Variants in TMEM156 observed in about 807,000 individuals in gnomAD.
TMEM156 encodes the protein transmembrane protein 156.
Under a neutral mutation model 30.5 loss-of-function variants are expected in TMEM156, and 28 were observed. The ratio of observed to expected loss-of-function variants is 0.92; its 90% CI spans 0.68 to 1.26. The LOEUF is 1.26. Among genes scored for constraint, TMEM156 ranks in the 50% most tolerant of loss-of-function variants. The probability of loss-of-function intolerance (pLI) is 0.00; values close to 1 mark genes in which losing one functional copy is unlikely to be tolerated. For missense variants in TMEM156, 351 were observed against 340.6 expected (o/e 1.03, Z -0.24); for synonymous variants, 137 against 119.9 (o/e 1.14, Z -0.93).
chr4:39,032,387 T>C lies in TMEM156; in HGVS notation c.-74A>G, dbSNP rs1320353986. On this transcript the variant is annotated 5_prime_UTR_variant, in exon 1 of 7. Transcript: ENST00000381938. Reference sequence around the variant, plus strand: ...TGTTGCTTCCTGCTTTAAGTTTATCTCTGCAGCACTTTAGGTTAATGCAGT... The same window carrying C: ...TGTTGCTTCCTGCTTTAAGTTTATCCCTGCAGCACTTTAGGTTAATGCAGT... 1 of 879,790 alleles carries C rather than the reference T, an allele frequency of 1.1e-6. No homozygotes were observed. Among genetic ancestry groups the C allele is most frequent in the African/African-American group, 1.7e-5 (1 of 59,902 alleles). 54.5% of individuals were successfully genotyped at this position (879,790 alleles called of 1,614,324 possible). A position where few individuals can be genotyped will look rare whatever the true frequency, so the allele number is the denominator to read the frequency against.
At chr4:39,031,439 T>C (rs943673375) in intron 1 of TMEM156, among the ~76,000 whole-genome samples, 3 of 152,250 alleles carry the variant, frequency 2.0e-5, no homozygotes, top group Non-Finnish European at 4.4e-5. Context: ...TTATTTTGAT[T>C]GTATTTTCAA....
intron 1 of TMEM156, among the ~76,000 whole-genome samples, chr4:39,007,207 A>G (rs1271812481): frequency 3.3e-5 from 5 of 152,098 alleles, no homozygotes; most frequent in Admixed American, 2.0e-4. Context: ...CCTGTATACA[A>G]GCTCTTATAT....
chr4:38,986,528 GC>G, intron 4 of TMEM156, 109 bp from the exon 5 acceptor site: 1 of 796,436 alleles, frequency 1.3e-6, no homozygotes, highest in Non-Finnish European at 2.1e-6. Flanking sequence ...GCCATTCATG[GC>G]CAGGCACGGT....
At chr4:39,031,691 T>A (rs1329414907) in intron 1 of TMEM156, among the ~76,000 whole-genome samples, 1 of 151,632 alleles carries the variant, frequency 6.6e-6, no homozygotes, top group African/African-American at 2.4e-5. Context: ...CAAGACCAGT[T>A]TGGCCAACAT....
chr4:39,017,373 G>A (rs770943914), intron 1 of TMEM156, among the ~76,000 whole-genome samples: 2 of 151,618 alleles, frequency 1.3e-5, no homozygotes, highest in African/African-American at 4.8e-5. Context: ...TAGAGACGGG[G>A]TTTCATCGTG....
intron 5 of TMEM156, among the ~76,000 whole-genome samples, chr4:38,984,880 C>T (rs1055073215): frequency 2.0e-5 from 3 of 152,144 alleles, no homozygotes; most frequent in Non-Finnish European, 4.4e-5. Flanking sequence ...GAAAGGATGG[C>T]TAAGACAGGT....
chr4:38,968,952 G>C (rs1722469953), intron 6 of TMEM156, among the ~76,000 whole-genome samples: 2 of 152,172 alleles, frequency 1.3e-5, no homozygotes, highest in Admixed American at 6.5e-5. Flanking sequence ...GTCAATGGGG[G>C]AGTACTAGCA....
chr4:39,006,919 G>A (rs1261280756), intron 1 of TMEM156, among the ~76,000 whole-genome samples: 1 of 151,844 alleles, frequency 6.6e-6, no homozygotes, highest in African/African-American at 2.4e-5. Context: ...GTCCAGACTG[G>A]GTGACAGAGC....
At chr4:38,990,032 C>CA (rs1423330296) in intron 3 of TMEM156, among the ~76,000 whole-genome samples, 1 of 152,124 alleles carries the variant, frequency 6.6e-6, no homozygotes, top group African/African-American at 2.4e-5. Context: ...TGGCCTCGGG[C>CA]AATCCACCCG....
intron 1 of TMEM156, among the ~76,000 whole-genome samples, chr4:39,023,746 C>T (rs1329353593): frequency 6.6e-6 from 1 of 152,034 alleles, no homozygotes; most frequent in Non-Finnish European, 1.5e-5. Context: ...CCCAGCTACG[C>T]AGGAGGCTGA....
chr4:38,989,581 A>T (rs1712264834), intron 3 of TMEM156, among the ~76,000 whole-genome samples: 2 of 152,118 alleles, frequency 1.3e-5, no homozygotes. Flanking sequence ...TTTAATAAGG[A>T]TACAGGTATA....
At chr4:39,015,134 A>G (rs1055362334) in intron 1 of TMEM156, among the ~76,000 whole-genome samples, 1 of 152,162 alleles carries the variant, frequency 6.6e-6, no homozygotes. Flanking sequence ...CTATGTCTGT[A>G]GTTATATCCC....
intron 1 of TMEM156, among the ~76,000 whole-genome samples, chr4:39,018,756 C>A (rs944118244): frequency 6.6e-6 from 1 of 152,178 alleles, no homozygotes; most frequent in East Asian, 1.9e-4. Flanking sequence ...CACGATGGCT[C>A]ACACCTGTAA....
chr4:39,023,763 A>G (rs1715020635), intron 1 of TMEM156, among the ~76,000 whole-genome samples: 1 of 152,162 alleles, frequency 6.6e-6, no homozygotes, highest in Non-Finnish European at 1.5e-5. Flanking sequence ...CTGAGGCAGG[A>G]GAATCACTTG....
In TMEM156 at chr4:38,988,942, C is replaced by T; in HGVS notation, c.648G>A (p.Trp216Ter). The T allele has an allele frequency of 6.2e-7, 1 of 1,612,182 alleles. No individual in the cohort carries two copies. Among genetic ancestry groups the T allele is most frequent in the Non-Finnish European group, 8.5e-7 (1 of 1,178,566 alleles). ...TAAAAACTAATAGAACTAAAATATACCAAGTGATCTTCATGGAACAAGTGA... is the reference window on the plus strand; with the variant it reads ...TAAAAACTAATAGAACTAAAATATATCAAGTGATCTTCATGGAACAAGTGA... ...KNITCSMKITWYILVLLVFIF... is the reference protein window; with the variant it reads ...KNITCSMKIT The change falls in exon 4 of 7, where the codon TGG (tryptophan) becomes TGA (stop). Residue 216 changes from tryptophan (W) to a stop codon, truncating the protein, a stop_gained. Transcript: ENST00000381938. LOFTEE classifies it high-confidence loss of function.
chr4:38,982,077 A>G (rs1711606003), intron 5 of TMEM156, among the ~76,000 whole-genome samples: 1 of 152,240 alleles, frequency 6.6e-6, no homozygotes, highest in Non-Finnish European at 1.5e-5. Context: ...ACCTGCCCTC[A>G]ATCTGAGTGG....
intron 5 of TMEM156, among the ~76,000 whole-genome samples, chr4:38,978,805 C>T (rs1723027799): frequency 6.6e-6 from 1 of 151,868 alleles, no homozygotes; most frequent in Non-Finnish European, 1.5e-5. Flanking sequence ...TCTTTTGAGA[C>T]AGGGTCTCGC....
chr4:38,982,066 G>C (rs1711604944), intron 5 of TMEM156, among the ~76,000 whole-genome samples: 1 of 152,228 alleles, frequency 6.6e-6, no homozygotes, highest in African/African-American at 2.4e-5. Flanking sequence ...GGGAAAGGCA[G>C]ACCTGCCCTC....
intron 1 of TMEM156, among the ~76,000 whole-genome samples, chr4:39,002,182 T>G (rs966641147): frequency 4.1e-5 from 6 of 145,614 alleles, no homozygotes; most frequent in African/African-American, 1.3e-4. Flanking sequence ...CAAACAAATT[T>G]ACAAGAAAAA....
Sources: gnomAD v4.1 joint callset for allele counts (sites outside exome capture counted in the v4.1 genomes callset) on GRCh38, gnomAD v4.1.1 for gene constraint, MANE v1.5 for transcripts, NCBI Gene and HGNC (gene_info 2026-07-23, HGNC 2026-07-21) for gene names.